Variants in PRR16 observed in about 807,000 individuals in gnomAD.
PRR16 encodes protein Largen.
A neutral mutation model predicts 18.2 loss-of-function variants in PRR16; 6 were observed. The observed-to-expected ratio is 0.33, with a 90% CI of 0.18 to 0.65. The LOEUF is 0.65. Ranked by LOEUF, PRR16 falls within the 30% of genes least tolerant of loss-of-function variation. PRR16 has a pLI of 0.74. For missense variants in PRR16, 412 were observed against 376.6 expected (o/e 1.09, Z -0.78); for synonymous variants, 151 against 147.8 (o/e 1.02, Z -0.16).
chr5:120,714,076 T>C, the PRR16 span, among the ~76,000 whole-genome samples: 6 of 152,110 alleles, frequency 3.9e-5, no homozygotes, highest in Non-Finnish European at 7.4e-5. Flanking sequence ...ATGTCTTTTT[T>C]TTTAGGAAAA....
chr5:120,673,934 A>G (rs987295145), intron 1 of PRR16, among the ~76,000 whole-genome samples: 1 of 142,548 alleles, frequency 7.0e-6, no homozygotes, highest in Non-Finnish European at 1.5e-5. Context: ...CAGCCTGGCG[A>G]CAGAGTGAGA....
chr5:120,549,846 G>A (rs973609531), intron 1 of PRR16, among the ~76,000 whole-genome samples: 2 of 152,034 alleles, frequency 1.3e-5, no homozygotes, highest in African/African-American at 2.4e-5. Context: ...ATACAATGCA[G>A]AGTAAAAGTA....
the PRR16 span, among the ~76,000 whole-genome samples, chr5:120,761,329 C>G: frequency 6.6e-6 from 1 of 151,996 alleles, no homozygotes; most frequent in Non-Finnish European, 1.5e-5. Flanking sequence ...ATAACAGGAT[C>G]ATTTTTTGTT....
chr5:120,607,516 G>A (rs901428001), intron 1 of PRR16, among the ~76,000 whole-genome samples: 1 of 152,126 alleles, frequency 6.6e-6, no homozygotes, highest in Non-Finnish European at 1.5e-5. Flanking sequence ...TTGGCTCCCA[G>A]AGTTGTGCTG....
Position 120,595,360 on chromosome 5 carries a change from C to A in PRR16, c.160-90594C>A, listed in dbSNP as rs558964837. On this transcript the variant is annotated intron_variant, in intron 1 of 1. Transcript: ENST00000407149. ...TGAAGGAAAGCTCAACATTACTAAT[C>A]ATTAGAGAAAAGCAAATCAAATCCA... Among the ~76,000 whole-genome samples the A allele has an allele frequency of 4.6e-5, 7 of 151,510 alleles. No homozygotes were observed. The East Asian group carries it at 1.2e-3, about 25-fold the overall frequency.
At chr5:120,731,969 T>C in the PRR16 span, among the ~76,000 whole-genome samples, 2 of 152,284 alleles carry the variant, frequency 1.3e-5, no homozygotes, top group South Asian at 4.1e-4. Context: ...CTGGTAGCCC[T>C]AGGGGGCTAC....
rs1438678574 is a variant in PRR16 at position 120,598,492 on chromosome 5, G to A, written c.160-87462G>A. On this transcript the variant is annotated intron_variant, in intron 1 of 1. Coordinates refer to ENST00000407149, the MANE Select transcript of PRR16 (RefSeq NM_001300783.2). ...ATTTGCTGTAAAGCTATATTGTGTG[G>A]TGCTGAGATTCAGGGTATGACTGAA... Among the ~76,000 whole-genome samples, 4 of 151,776 alleles carry A rather than the reference G, an allele frequency of 2.6e-5. No homozygotes were observed. In the South Asian group the frequency reaches 8.3e-4, roughly 32 times the overall value.
At chr5:120,584,427 AAAATG>A (rs1244200715) in intron 1 of PRR16, among the ~76,000 whole-genome samples, 2 of 151,474 alleles carry the variant, frequency 1.3e-5, no homozygotes, top group African/African-American at 4.9e-5. Flanking sequence ...TTGGTCTATG[AAAATG>A]AAAAGATACC....
At chr5:120,750,864 TG>T in the PRR16 span, among the ~76,000 whole-genome samples, 1 of 152,166 alleles carries the variant, frequency 6.6e-6, no homozygotes, top group Admixed American at 6.5e-5. Context: ...AGTAAATCAT[TG>T]TTAACTGTGG....
At position 120,628,704 on chromosome 5, in the gene PRR16, A is replaced by T. The variant is rs1184826585; in HGVS notation, c.160-57250A>T. 6.2e-4 allele frequency among the ~76,000 whole-genome samples: 29 copies of T among 46,664 alleles called. 1 individual carries two copies. The East Asian group carries it at 0.12, about 187-fold the overall frequency. The allele number at this position is 46,664 out of a possible 152,430, so 30.6% of individuals were successfully genotyped here. A position where few individuals can be genotyped will look rare whatever the true frequency, so the allele number is the denominator to read the frequency against. ...CTATCTATCATTCTACCATCTATCT[A>T]TCTATCTATCTATCTATCTATCTAT... On this transcript the variant is annotated intron_variant, in intron 1 of 1. Coordinates refer to ENST00000407149, the MANE Select transcript of PRR16 (RefSeq NM_001300783.2).
At chr5:120,600,531 G>A (rs1293814825) in intron 1 of PRR16, among the ~76,000 whole-genome samples, 1 of 151,834 alleles carries the variant, frequency 6.6e-6, no homozygotes, top group African/African-American at 2.4e-5. Flanking sequence ...TAATGATATA[G>A]TTCTTTTTTT....
intron 1 of PRR16, among the ~76,000 whole-genome samples, chr5:120,635,782 G>GAGAA (rs1374743617): frequency 6.6e-6 from 1 of 152,054 alleles, no homozygotes; most frequent in Non-Finnish European, 1.5e-5. Flanking sequence ...AATCAGACAA[G>GAGAA]AGAAAGAAAG....
At chr5:120,584,187 G>C (rs1264792267) in intron 1 of PRR16, among the ~76,000 whole-genome samples, 1 of 152,134 alleles carries the variant, frequency 6.6e-6, no homozygotes, top group Non-Finnish European at 1.5e-5. Flanking sequence ...TAGGAGTTGA[G>C]GCTTACATGG....
intron 1 of PRR16, among the ~76,000 whole-genome samples, chr5:120,598,975 A>G (rs1753899500): frequency 6.6e-6 from 1 of 151,928 alleles, no homozygotes; most frequent in Non-Finnish European, 1.5e-5. Context: ...TTGCCTTTAA[A>G]ATCAGAGTGT....
the PRR16 span, among the ~76,000 whole-genome samples, chr5:120,695,396 A>T: frequency 2.8e-4 from 42 of 152,314 alleles, no homozygotes; most frequent in Non-Finnish European, 4.1e-4. Context: ...AGCTATAGTT[A>T]GCTTTTCAAT....
At chr5:120,464,292 G>A (rs1197282168), upstream of PRR16, 1 of 405,922 alleles carries the variant, frequency 2.5e-6, no homozygotes, top group South Asian at 1.0e-4. Context: ...CGAGCGCCGC[G>A]TCTCGGGAGT....
chr5:120,660,098 T>C (rs1445438492), intron 1 of PRR16, among the ~76,000 whole-genome samples: 1 of 152,026 alleles, frequency 6.6e-6, no homozygotes, highest in Non-Finnish European at 1.5e-5. Context: ...AAACTCATCC[T>C]AAGTTTATGA....
chr5:120,527,610 G>T (rs1341354882), intron 1 of PRR16, among the ~76,000 whole-genome samples: 1 of 152,198 alleles, frequency 6.6e-6, no homozygotes, highest in Non-Finnish European at 1.5e-5. Context: ...TAGATGTAGA[G>T]TGCAATTGGA....
In PRR16 at chr5:120,525,486, A is replaced by G. The variant is rs1751317217; in HGVS notation, c.159+60841A>G. Among the ~76,000 whole-genome samples the G allele has an allele frequency of 2.6e-5, 4 of 152,040 alleles. No homozygotes were observed. In the South Asian group the frequency reaches 6.2e-4, roughly 24 times the overall value. On this transcript the variant is annotated intron_variant, in intron 1 of 1. Transcript: ENST00000407149. ...AATCATATCTGGAACATAGCTTACT[A>G]TAAATAAATATATTAAATAGAAGTT...
Sources: gnomAD v4.1 joint callset for allele counts (sites outside exome capture counted in the v4.1 genomes callset) on GRCh38, gnomAD v4.1.1 for gene constraint, MANE v1.5 for transcripts, NCBI Gene and HGNC (gene_info 2026-07-23, HGNC 2026-07-21) for gene names.